The following EPB41L4A variants were observed in gnomAD, a reference collection of about 807,000 sequenced individuals.
EPB41L4A encodes erythrocyte membrane protein band 4.1 like 4A.
In EPB41L4A, 100 loss-of-function variants were observed where a neutral mutation model predicts 108.6. The ratio of observed to expected loss-of-function variants is 0.92; its 90% CI spans 0.78 to 1.09. EPB41L4A has a LOEUF of 1.09. Ranked by LOEUF, EPB41L4A falls within the 50% of genes least tolerant of loss-of-function variation. The pLI, the probability that EPB41L4A is intolerant of heterozygous loss-of-function variation, is 0.00. For missense variants in EPB41L4A, 1,030 were observed against 842.7 expected (o/e 1.22, Z -2.75); for synonymous variants, 319 against 289.0 (o/e 1.10, Z -1.05).
intron 5 of EPB41L4A, 82 bp downstream of exon 5, chr5:112,266,150 GT>G: frequency 1.0e-6 from 1 of 961,052 alleles, no homozygotes; most frequent in Non-Finnish European, 1.5e-6. Context: ...GATAAGAAGA[GT>G]TTTAGTATGT....
intron 1 of EPB41L4A, among the ~76,000 whole-genome samples, chr5:112,341,775 C>T (rs1757338009): frequency 6.6e-6 from 1 of 150,520 alleles, no homozygotes; most frequent in African/African-American, 2.5e-5. Flanking sequence ...CACACACACA[C>T]ATACACACAC....
At chr5:112,179,624 T>C (rs1428003732) in intron 18 of EPB41L4A, among the ~76,000 whole-genome samples, 4 of 152,130 alleles carry the variant, frequency 2.6e-5, no homozygotes, top group Non-Finnish European at 5.9e-5. Flanking sequence ...TCAAGACCCA[T>C]TCATGATCAA....
chr5:112,169,848 T>G lies in EPB41L4A; in HGVS notation c.1739+453A>C, dbSNP rs192087409. On this transcript the variant is annotated intron_variant, in intron 20 of 22. Coordinates refer to ENST00000261486, the MANE Select transcript of EPB41L4A (RefSeq NM_022140.5). ...AGTACTGGTAAGGCAGAAAACACAGTCAACAGGTACGGTTCCTCTTACACT... is the reference window on the plus strand; with the variant it reads ...AGTACTGGTAAGGCAGAAAACACAGGCAACAGGTACGGTTCCTCTTACACT... 2.8e-3 allele frequency among the ~76,000 whole-genome samples: 431 copies of G among 152,256 alleles called. 1 individual carries two copies. The highest frequency in any genetic ancestry group is 1.0e-2 in the African/African-American group (414 of 41,540).
chr5:112,288,629 G>T (rs529908469), intron 2 of EPB41L4A, among the ~76,000 whole-genome samples: 40 of 152,248 alleles, frequency 2.6e-4, no homozygotes, highest in African/African-American at 9.6e-4. Flanking sequence ...ATTGTTGTGT[G>T]CCTCCTGTTT....
intron 19 of EPB41L4A, 53 bp from the exon 20 acceptor site, chr5:112,170,422 G>A (rs1378989571): frequency 8.5e-7 from 1 of 1,177,530 alleles, no homozygotes; most frequent in East Asian, 2.4e-5. Context: ...ATAAATGCTA[G>A]TATCTTTCAC....
chr5:112,312,924 A>G (rs1015773285), intron 1 of EPB41L4A, among the ~76,000 whole-genome samples: 1 of 152,236 alleles, frequency 6.6e-6, no homozygotes, highest in African/African-American at 2.4e-5. Context: ...GAGAACTGAC[A>G]TAGAACCAAA....
chr5:112,246,397 G>A (rs1750225553), intron 9 of EPB41L4A, among the ~76,000 whole-genome samples: 1 of 152,100 alleles, frequency 6.6e-6, no homozygotes, highest in South Asian at 2.1e-4. Context: ...GTACAGGTTG[G>A]CAGCCTGAGA....
intron 8 of EPB41L4A, 85 bp downstream of exon 8, chr5:112,259,806 T>C: frequency 1.0e-6 from 1 of 985,762 alleles, no homozygotes; most frequent in East Asian, 2.4e-5. Context: ...TATACCTGTT[T>C]TCTTTTCCCC....
intron 13 of EPB41L4A, among the ~76,000 whole-genome samples, chr5:112,208,891 G>A (rs1427705270): frequency 6.6e-6 from 1 of 152,104 alleles, no homozygotes; most frequent in Non-Finnish European, 1.5e-5. Flanking sequence ...CAGCTTGAGG[G>A]TGACTAAGGG....
intron 9 of EPB41L4A, among the ~76,000 whole-genome samples, chr5:112,251,888 A>C (rs1288007737): frequency 6.6e-6 from 1 of 152,220 alleles, no homozygotes; most frequent in Non-Finnish European, 1.5e-5. Flanking sequence ...AGGGAGGACC[A>C]ATCCAAGTAA....
rs200812889 is a variant in EPB41L4A, at chr5:112,169,017, G to T, written c.1828C>A (p.Arg610=). 4 of 1,613,330 alleles carry T rather than the reference G, an allele frequency of 2.5e-6. No homozygotes were observed. Among genetic ancestry groups the T allele is most frequent in the East Asian group, 2.2e-5 (1 of 44,884 alleles). Reference sequence around the variant, plus strand: ...TACTTCACTTCCGAGAGAACTGATCGCTCCCCATCTGAACACTGGGACCTG... The same window carrying T: ...TACTTCACTTCCGAGAGAACTGATCTCTCCCCATCTGAACACTGGGACCTG... ...YRRSQCSDGE[R]SVLSEVNSKT... The change falls in exon 21 of 23, where the codon CGA becomes AGA. Residue 610 remains arginine (R), a synonymous_variant. Transcript: ENST00000261486.
chr5:112,251,177 T>C (rs868015492), intron 9 of EPB41L4A, among the ~76,000 whole-genome samples: 1 of 152,158 alleles, frequency 6.6e-6, no homozygotes, highest in African/African-American at 2.4e-5. Flanking sequence ...TACATTGTAG[T>C]TGGAGACACA....
At chr5:112,394,264 A>G (rs1293693091) in intron 1 of EPB41L4A, among the ~76,000 whole-genome samples, 1 of 152,198 alleles carries the variant, frequency 6.6e-6, no homozygotes, top group African/African-American at 2.4e-5. Context: ...AGAGAGAAAT[A>G]AAAGGTATTC....
chr5:112,171,631 A>G (rs1005031487), intron 18 of EPB41L4A, among the ~76,000 whole-genome samples: 2 of 152,248 alleles, frequency 1.3e-5, no homozygotes, highest in Admixed American at 6.5e-5. Context: ...ATGTGAGCAG[A>G]TATTATACCA....
At chr5:112,402,451 C>T (rs1008913726) in intron 1 of EPB41L4A, among the ~76,000 whole-genome samples, 17 of 152,102 alleles carry the variant, frequency 1.1e-4, no homozygotes, top group African/African-American at 3.6e-4. Flanking sequence ...GCAGCCTTTG[C>T]TAACAACATG....
intron 15 of EPB41L4A, among the ~76,000 whole-genome samples, chr5:112,203,339 G>C (rs1762308028): frequency 6.6e-6 from 1 of 152,042 alleles, no homozygotes; most frequent in South Asian, 2.1e-4. Flanking sequence ...CTGGGCATCA[G>C]AGCGAGACTC....
In EPB41L4A at chr5:112,168,004, C is replaced by G. The variant is rs115934182; in HGVS notation, c.1932+735G>C. Among the ~76,000 whole-genome samples, 279 of 152,336 alleles carry G rather than the reference C, an allele frequency of 1.8e-3. 1 individual carries two copies. Among genetic ancestry groups the G allele is most frequent in the African/African-American group, 6.2e-3 (256 of 41,586 alleles). On this transcript the variant is annotated intron_variant, in intron 22 of 22. Transcript: ENST00000261486. ...GATCAAATGACACTGAAAACCACAA[C>G]ACGACGAACAACGGGCTGACCCTGA...
chr5:112,292,365 C>G (rs1374943578), intron 2 of EPB41L4A, among the ~76,000 whole-genome samples: 1 of 152,128 alleles, frequency 6.6e-6, no homozygotes, highest in African/African-American at 2.4e-5. Flanking sequence ...CTGCGGCCTC[C>G]AATACTGATG....
At chr5:112,255,049 T>C (rs967340643) in intron 9 of EPB41L4A, among the ~76,000 whole-genome samples, 5 of 152,116 alleles carry the variant, frequency 3.3e-5, no homozygotes, top group African/African-American at 1.2e-4. Context: ...CTGCTCCACA[T>C]TGCTGCTTTC....
Sources: allele counts gnomAD v4.1 joint callset (sites outside exome capture counted in the v4.1 genomes callset), GRCh38; gene constraint gnomAD v4.1.1; transcripts MANE v1.5; gene names NCBI Gene and HGNC (gene_info 2026-07-23, HGNC 2026-07-21).